The following TMPRSS2 variants were observed in gnomAD, a reference collection of about 807,000 sequenced individuals.
The protein encoded by TMPRSS2 is transmembrane serine protease 2.
Under a neutral mutation model 67.4 loss-of-function variants are expected in TMPRSS2, and 59 were observed. The observed-to-expected ratio is 0.88, with a 90% CI of 0.71 to 1.09. The LOEUF is 1.09. TMPRSS2 is among the 50% of genes least tolerant of loss of function. The pLI, the probability that TMPRSS2 is intolerant of heterozygous loss-of-function variation, is 0.00. For missense variants in TMPRSS2, 668 were observed against 642.7 expected, an observed-to-expected ratio of 1.04 and a Z score of -0.43; for synonymous variants, 257 against 257.0, an observed-to-expected ratio of 1.00 and a Z score of 0.00.
At chr21:41,491,539 C>T (rs1208503581) in intron 3 of TMPRSS2, among the ~76,000 whole-genome samples, 2 of 152,202 alleles carry the variant, frequency 1.3e-5, no homozygotes, top group African/African-American at 4.8e-5. Context: ...AACTCGGCTG[C>T]AATGATTATA....
chr21:41,505,862 C>T (rs997768181), intron 1 of TMPRSS2, among the ~76,000 whole-genome samples: 1 of 152,224 alleles, frequency 6.6e-6, no homozygotes, highest in Non-Finnish European at 1.5e-5. Flanking sequence ...GTGTCTCCAA[C>T]TCAGAGCCCG....
chr21:41,488,920 C>T (rs767804498), intron 4 of TMPRSS2, among the ~76,000 whole-genome samples: 10 of 152,186 alleles, frequency 6.6e-5, no homozygotes, highest in Non-Finnish European at 1.3e-4. Context: ...GGATAACAGG[C>T]GTGAGCCACC....
intron 5 of TMPRSS2, among the ~76,000 whole-genome samples, chr21:41,484,814 G>T (rs569899862): frequency 2.0e-5 from 3 of 151,964 alleles, no homozygotes; most frequent in Non-Finnish European, 2.9e-5. Flanking sequence ...GAAGAGACAG[G>T]GGCAATAATG....
chr21:41,506,521 A>C (rs938770172), intron 1 of TMPRSS2: 9 of 152,292 alleles, frequency 5.9e-5, no homozygotes, highest in African/African-American at 1.2e-4. Context: ...GGAAGTCCTG[A>C]GCAACCTCCA....
chr21:41,484,814 G>A (rs569899862), intron 5 of TMPRSS2, among the ~76,000 whole-genome samples: 1 of 152,082 alleles, frequency 6.6e-6, no homozygotes, highest in Admixed American at 6.6e-5. Context: ...GAAGAGACAG[G>A]GGCAATAATG....
At chr21:41,470,823 T>C in intron 10 of TMPRSS2, 80 bp from the exon 11 acceptor site, 1 of 1,213,476 alleles carries the variant, frequency 8.2e-7, no homozygotes, top group Non-Finnish European at 1.2e-6. Flanking sequence ...TGCAGGCTGC[T>C]GGGCCTGGCA....
chr21:41,502,399 C>A (rs2146506302), intron 1 of TMPRSS2: 1 of 985,358 alleles, frequency 1.0e-6, no homozygotes, highest in Non-Finnish European at 1.2e-6. Flanking sequence ...GTGCACACAC[C>A]TTCTCCTTCT....
intron 9 of TMPRSS2, 79 bp downstream of exon 9, chr21:41,473,246 G>A (rs1017392711): frequency 1.4e-6 from 2 of 1,453,976 alleles, no homozygotes; most frequent in African/African-American, 1.4e-5. Context: ...GGCTGCAAGG[G>A]TTGAGACCTG....
Position 41,464,931 on chromosome 21 carries a change from G to A in TMPRSS2, c.*1211C>T, listed in dbSNP as rs142444476. 4.3e-6 allele frequency: 1 copy of A among 233,186 alleles called. No homozygotes were observed. The highest frequency in any genetic ancestry group is 8.5e-6 in the Non-Finnish European group (1 of 118,068). 14.4% of individuals were successfully genotyped at this position (233,186 alleles called of 1,614,324 possible). A position where few individuals can be genotyped will look rare whatever the true frequency, so the allele number is the denominator to read the frequency against. ...GAACCATGGTAGAGTAGTGCTCATG[G>A]TTATGGCACTTGGCAATGCAAAAGG... On this transcript the variant is annotated 3_prime_UTR_variant, in exon 14 of 14. Transcript: ENST00000332149.
rs754722741 is a variant in TMPRSS2, at chr21:41,479,178, T to A, written c.677A>T (p.Tyr226Phe). 5 of 1,613,146 alleles carry A rather than the reference T, an allele frequency of 3.1e-6. No homozygotes were observed. The East Asian group carries it at 8.9e-5, about 29-fold the overall frequency. The change falls in exon 7 of 14, where the codon TAC becomes TTC. Residue 226 changes from tyrosine to phenylalanine, a missense_variant. Physicochemically the swap from Tyr to Phe is conservative, Grantham distance 22 (BLOSUM62 3). Transcript: ENST00000332149. ...AGNVDIYKKL[Y>F]HSDACSSKAV... ...AGAAGAAATTGCTGCATACCTGTGGTACAGTTTTTTATAGATATCGACATT... is the reference window on the plus strand; with the variant it reads ...AGAAGAAATTGCTGCATACCTGTGGAACAGTTTTTTATAGATATCGACATT...
rs756009237 is a variant in TMPRSS2 at position 41,489,597 on chromosome 21, G to C, written c.239-4C>G. 9 of 1,612,142 alleles carry C rather than the reference G, an allele frequency of 5.6e-6. 1 individual carries two copies. The South Asian group carries it at 8.8e-5, about 16-fold the overall frequency. On this transcript the variant is annotated splice_region_variant and splice_polypyrimidine_tract_variant and intron_variant, in intron 3 of 13. Coordinates refer to ENST00000332149, the MANE Select transcript of TMPRSS2 (RefSeq NM_005656.4). ...ATGCACAGTGCTTTCTTAGTCTCTG[G>C]AAGAAGGAGGAGAGTGCAACGTTCA...
intron 8 of TMPRSS2, 39 bp from the exon 9 acceptor site, chr21:41,473,535 G>A (rs1472561796): frequency 1.3e-6 from 2 of 1,569,514 alleles, no homozygotes; most frequent in Non-Finnish European, 1.7e-6. Context: ...GGTGAGACCA[G>A]CAGAAGCCGC....
intron 1 of TMPRSS2, among the ~76,000 whole-genome samples, chr21:41,507,242 G>T (rs1166306931): frequency 1.3e-5 from 2 of 152,208 alleles, no homozygotes; most frequent in African/African-American, 4.8e-5. Flanking sequence ...CACTCAGGGT[G>T]CCACTGTGCC....
In TMPRSS2 at chr21:41,465,062, A is replaced by G; in HGVS notation, c.*1080T>C. ...GCCGCCACCATGGGCACTTTGCTTC[A>G]GCACATTCATTTATAGAACGTTAAG... On this transcript the variant is annotated 3_prime_UTR_variant, in exon 14 of 14. Coordinates refer to ENST00000332149, the MANE Select transcript of TMPRSS2 (RefSeq NM_005656.4). The G allele has an allele frequency of 4.3e-6, 1 of 233,586 alleles. No homozygotes were observed. The highest frequency in any genetic ancestry group is 8.5e-6 in the Non-Finnish European group (1 of 118,076). The allele number at this position is 233,586 out of a possible 1,614,324, so 14.5% of individuals were successfully genotyped here.
rs771339386 is a variant in TMPRSS2 at position 41,496,101 on chromosome 21, GAATA to G, written c.16-1527_16-1524del. On this transcript the variant is annotated intron_variant, in intron 2 of 13. Coordinates refer to ENST00000332149, the MANE Select transcript of TMPRSS2 (RefSeq NM_005656.4). Reference sequence around the variant, plus strand: ...AGCAATATCATAATTATAATGAGAAGAATAATAGCTAACATTGGAGAACTCAGCT... The same window carrying G: ...AGCAATATCATAATTATAATGAGAAGATAGCTAACATTGGAGAACTCAGCT... Among the ~76,000 whole-genome samples, 9 of 152,232 alleles carry G rather than the reference GAATA, an allele frequency of 5.9e-5. No homozygotes were observed. The East Asian group carries it at 1.2e-3, about 20-fold the overall frequency.
At chr21:41,469,164 G>A (rs1051264194) in intron 11 of TMPRSS2, among the ~76,000 whole-genome samples, 2 of 152,002 alleles carry the variant, frequency 1.3e-5, no homozygotes, top group African/African-American at 2.4e-5. Flanking sequence ...CTTGAAAAAT[G>A]GCACCACCCG....
At chr21:41,503,028 A>ATACAAGATCAATATAAAAATCTATG (rs1233146029) in intron 1 of TMPRSS2, among the ~76,000 whole-genome samples, 2 of 152,248 alleles carry the variant, frequency 1.3e-5, no homozygotes. Context: ...AAGTTGAGGG[A>ATACAAGATCAATATAAAAATCTATG]TACAAGATCA....
chr21:41,473,554 C>A, intron 8 of TMPRSS2, 58 bp from the exon 9 acceptor site: 1 of 1,520,788 alleles, frequency 6.6e-7, no homozygotes, highest in East Asian at 2.4e-5. Context: ...GCCCAGCCAC[C>A]CAGCGCCCGC....
chr21:41,494,306 A>G, intron 3 of TMPRSS2, 50 bp downstream of exon 3: 1 of 1,598,088 alleles, frequency 6.3e-7, no homozygotes, highest in South Asian at 1.1e-5. Flanking sequence ...GGGGAGGTAG[A>G]CCCGGGACCC....
Sources: gnomAD v4.1 joint callset for allele counts (sites outside exome capture counted in the v4.1 genomes callset) on GRCh38, gnomAD v4.1.1 for gene constraint, MANE v1.5 for transcripts, NCBI Gene and HGNC (gene_info 2026-07-23, HGNC 2026-07-21) for gene names.